PROSER1: variants seen among roughly 807,000 people sequenced by gnomAD.
PROSER1 encodes the protein proline and serine-rich protein 1.
In PROSER1, 36 loss-of-function variants were observed where a neutral mutation model predicts 71.8. The observed-to-expected ratio is 0.50, with a 90% CI of 0.38 to 0.66. The LOEUF is 0.66. Among genes scored for constraint, PROSER1 ranks in the 30% least tolerant of loss-of-function variants. The pLI is 0.00. For synonymous variants in PROSER1, 490 were observed against 452.4 expected, an observed-to-expected ratio of 1.08 and a Z score of -1.06; for missense variants, 1,107 against 1,135.0, an observed-to-expected ratio of 0.98 and a Z score of 0.35.
At chr13:39,022,511 T>C (rs1193038664) in intron 8 of PROSER1, 99 bp from the exon 9 acceptor site, 3 of 762,860 alleles carry the variant, frequency 3.9e-6, no homozygotes, top group Non-Finnish European at 6.8e-6. Flanking sequence ...ATGCAGCTAT[T>C]CAATTTATTA....
At chr13:39,011,710 T>A (rs1305854989) in intron 12 of PROSER1, among the ~76,000 whole-genome samples, 1 of 152,220 alleles carries the variant, frequency 6.6e-6, no homozygotes, top group Non-Finnish European at 1.5e-5. Flanking sequence ...TATTTAATAT[T>A]CTCTCAAAAG....
At chr13:39,034,996 G>A (rs931217394) in intron 1 of PROSER1, among the ~76,000 whole-genome samples, 5 of 152,202 alleles carry the variant, frequency 3.3e-5, no homozygotes, top group African/African-American at 1.2e-4. Context: ...GCTCAGCTTA[G>A]AGATGGAAAC....
Position 39,014,087 on chromosome 13 carries a change from T to C in PROSER1, c.1165A>G (p.Thr389Ala), listed in dbSNP as rs1286159517. 1.2e-6 allele frequency: 2 copies of C among 1,614,006 alleles called. No individual in the cohort carries two copies. ...GCAAATGCTTCACTGGAACCAAGAGTGGACCGTGGTGTAGGTCCTGGGGTA... is the reference window on the plus strand; with the variant it reads ...GCAAATGCTTCACTGGAACCAAGAGCGGACCGTGGTGTAGGTCCTGGGGTA... Reference protein sequence around the residue: ...TPTPGPTPRSTLGSSEAFAST... With the variant: ...TPTPGPTPRSALGSSEAFAST... Residue 389 changes from threonine to alanine, a missense_variant, in exon 11 of 13, where the codon ACT (threonine) becomes GCT (alanine). Coordinates refer to ENST00000352251, the MANE Select transcript of PROSER1 (RefSeq NM_025138.5).
chr13:39,014,768 T>TA (rs1869929542), intron 10 of PROSER1, among the ~76,000 whole-genome samples: 1 of 152,162 alleles, frequency 6.6e-6, no homozygotes, highest in African/African-American at 2.4e-5. Context: ...TTTTAAAAAT[T>TA]AAAGCATTTA....
rs898907658 is a variant in PROSER1, at chr13:39,009,946, A to G, written c.*1419T>C. ...AGCAACTGGTATCAGATTAAACTAT[A>G]GCTTACATTCTGTGTTTAAAGACAT... On this transcript the variant is annotated 3_prime_UTR_variant, in exon 13 of 13. Coordinates refer to ENST00000352251, the MANE Select transcript of PROSER1 (RefSeq NM_025138.5). 6.5e-6 allele frequency: 1 copy of G among 152,672 alleles called. No individual in the cohort carries two copies. The highest frequency in any genetic ancestry group is 1.5e-5 in the Non-Finnish European group (1 of 68,026). 9.5% of individuals were successfully genotyped at this position (152,672 alleles called of 1,614,324 possible).
chr13:39,021,635 C>A (rs1489248222), intron 9 of PROSER1, among the ~76,000 whole-genome samples: 10 of 152,152 alleles, frequency 6.6e-5, no homozygotes, highest in Non-Finnish European at 1.5e-4. Flanking sequence ...TACAGAGAAA[C>A]CACCTCACTG....
chr13:39,035,837 T>C (rs75280577), intron 1 of PROSER1, among the ~76,000 whole-genome samples: 4,386 of 152,300 alleles, frequency 0.029, 214 homozygotes, highest in African/African-American at 0.092. Flanking sequence ...TTTTATTCCA[T>C]TTTAATAGAC....
chr13:39,037,306 G>T lies in PROSER1; in HGVS notation c.-64C>A, dbSNP rs951895250. The T allele has an allele frequency of 8.5e-7, 1 of 1,181,542 alleles. No homozygotes were observed. The highest frequency in any genetic ancestry group is 1.3e-6 in the Non-Finnish European group (1 of 786,346). 73.2% of individuals were successfully genotyped at this position (1,181,542 alleles called of 1,614,324 possible). Reference sequence around the variant, plus strand: ...TGCAATTAAAAGACGTTCATCCCTGGTCTGCTCCGCCGATAGTAAAAAATA... The same window carrying T: ...TGCAATTAAAAGACGTTCATCCCTGTTCTGCTCCGCCGATAGTAAAAAATA... On this transcript the variant is annotated 5_prime_UTR_variant, in exon 1 of 13. Coordinates refer to ENST00000352251, the MANE Select transcript of PROSER1 (RefSeq NM_025138.5).
At chr13:39,033,863 T>C (rs941295018) in intron 2 of PROSER1, among the ~76,000 whole-genome samples, 2 of 152,232 alleles carry the variant, frequency 1.3e-5, no homozygotes, top group African/African-American at 4.8e-5. Flanking sequence ...ATCTTTGATA[T>C]TGTGCCCAGA....
intron 10 of PROSER1, among the ~76,000 whole-genome samples, chr13:39,016,401 C>A (rs1309489957): frequency 6.6e-6 from 1 of 152,176 alleles, no homozygotes. Flanking sequence ...CATGGTGGAG[C>A]CAAGACTTGA....
At chr13:39,033,517 G>T (rs1870957760) in intron 2 of PROSER1, among the ~76,000 whole-genome samples, 3 of 152,166 alleles carry the variant, frequency 2.0e-5, no homozygotes, top group Admixed American at 2.0e-4. Context: ...ATTTATGCCT[G>T]ACTTCTCTAT....
chr13:39,030,639 GCAGGT>G (rs1251685569), intron 3 of PROSER1, among the ~76,000 whole-genome samples: 1 of 152,002 alleles, frequency 6.6e-6, no homozygotes, highest in East Asian at 1.9e-4. Context: ...TGTTGCCCAG[GCAGGT>G]CTAGAACTGC....
intron 9 of PROSER1, among the ~76,000 whole-genome samples, chr13:39,018,837 T>A (rs1205059531): frequency 2.6e-5 from 4 of 151,912 alleles, no homozygotes; most frequent in African/African-American, 9.7e-5. Flanking sequence ...AGACTTGAGT[T>A]TTCACATCAA....
At chr13:39,012,620 A>T in intron 11 of PROSER1, 71 bp downstream of exon 11, 1 of 1,203,726 alleles carries the variant, frequency 8.3e-7, no homozygotes, top group Non-Finnish European at 1.2e-6. Context: ...CATTTTGATG[A>T]CTTGAAATGA....
intron 1 of PROSER1, among the ~76,000 whole-genome samples, chr13:39,034,405 G>C (rs1004101755): frequency 3.3e-5 from 5 of 152,164 alleles, no homozygotes; most frequent in African/African-American, 1.2e-4. Context: ...CACTGAGCAA[G>C]CAGGAAGATC....
intron 3 of PROSER1, 95 bp downstream of exon 3, chr13:39,031,468 A>T: frequency 1.1e-6 from 1 of 941,632 alleles, no homozygotes. Context: ...CGCTTTTCTA[A>T]TGCAAATAAA....
chr13:39,012,775 G>A lies in PROSER1; in HGVS notation c.2477C>T (p.Thr826Ile). Residue 826 changes from threonine (T) to isoleucine (I), a missense_variant, in exon 11 of 13, where the codon ACA becomes ATA. Thr to Ile is a moderately conservative substitution (Grantham distance 89). Transcript: ENST00000352251. ...AAVTPLPVAA[T>I]APSPAPVLPG... is the part of the protein sequence containing the mutation. Reference sequence around the variant, plus strand: ...GAGGACTGGAGCTGGGGATGGGGCTGTGGCAGCCACAGGTAGTGGTGTGAC... The same window carrying A: ...GAGGACTGGAGCTGGGGATGGGGCTATGGCAGCCACAGGTAGTGGTGTGAC... 1 of 1,614,102 alleles carries A rather than the reference G, an allele frequency of 6.2e-7. No individual in the cohort carries two copies. The highest frequency in any genetic ancestry group is 8.5e-7 in the Non-Finnish European group (1 of 1,179,990).
chr13:39,030,477 T>G (rs9576707), intron 3 of PROSER1, among the ~76,000 whole-genome samples: 22,514 of 152,154 alleles, frequency 0.15, 2,023 homozygotes, highest in African/African-American at 0.25. Context: ...CTCAGAGCTC[T>G]GTCATGAGTT....
intron 6 of PROSER1, among the ~76,000 whole-genome samples, chr13:39,025,702 C>A (rs925054824): frequency 6.6e-6 from 1 of 152,130 alleles, no homozygotes; most frequent in Non-Finnish European, 1.5e-5. Context: ...AAGACCTGAA[C>A]CAGAACTATC....
Sources: allele counts gnomAD v4.1 joint callset (sites outside exome capture counted in the v4.1 genomes callset), GRCh38; gene constraint gnomAD v4.1.1; transcripts MANE v1.5; gene names NCBI Gene and HGNC (gene_info 2026-07-23, HGNC 2026-07-21).